Variants in THOC5 observed in about 807,000 individuals in gnomAD.
THOC5 encodes Fms-interacting protein.
THOC5 carries 43 observed loss-of-function variants against 92.9 expected under a neutral mutation model. The observed-to-expected ratio is 0.46, with a 90% CI of 0.36 to 0.60. THOC5 has a LOEUF of 0.60. Among genes scored for constraint, THOC5 ranks in the 20% least tolerant of loss-of-function variants. THOC5 has a pLI of 0.00. For missense variants in THOC5, 659 were observed against 849.4 expected, an observed-to-expected ratio of 0.78 and a Z score of 2.79; for synonymous variants, 296 against 320.1, an observed-to-expected ratio of 0.92 and a Z score of 0.80.
rs987399692 is a variant in THOC5 at position 29,553,682 on chromosome 22, A to G, written c.-23T>C. ...TGTCCCCTCCTCACCTCACAGCTCC[A>G]AGAACCTGGCACCGGGAGTAAGCCA... On this transcript the variant is annotated 5_prime_UTR_variant, in exon 1 of 20. Transcript: ENST00000490103. The G allele has an allele frequency of 3.3e-5, 5 of 152,356 alleles. No individual in the cohort carries two copies. The highest frequency in any genetic ancestry group is 1.2e-4 in the African/African-American group (5 of 41,396). The allele number at this position is 152,356 out of a possible 1,614,324, so 9.4% of individuals were successfully genotyped here.
At position 29,544,573 on chromosome 22, in the gene THOC5, C is replaced by G; in HGVS notation, c.127G>C (p.Val43Leu). The G allele has an allele frequency of 1.2e-6, 2 of 1,613,398 alleles. No individual in the cohort carries two copies. Among genetic ancestry groups the G allele is most frequent in the South Asian group, 2.2e-5 (2 of 90,950 alleles). Reference sequence around the variant, plus strand: ...TCTCTGCCAGGGTCCCGCAGATCCACCTCGGCCTCCTCACTGTAGTATTTA... The same window carrying G: ...TCTCTGCCAGGGTCCCGCAGATCCAGCTCGGCCTCCTCACTGTAGTATTTA... ...EGKYYSEEAE[V>L]DLRDPGRDYE... The change falls in exon 3 of 20, where the codon GTG (valine) becomes CTG (leucine). Residue 43 changes from valine (V) to leucine (L), a missense_variant. Physicochemically the swap from Val to Leu is conservative, Grantham distance 32. Transcript: ENST00000490103.
intron 17 of THOC5, chr22:29,513,996 G>A (rs2063281175): frequency 6.7e-6 from 1 of 149,622 alleles, no homozygotes; most frequent in African/African-American, 2.4e-5. Context: ...TGTTACCAAG[G>A]CTAGAGTGCA....
chr22:29,539,556 A>G, intron 5 of THOC5, 80 bp from the exon 6 acceptor site: 1 of 1,466,978 alleles, frequency 6.8e-7, no homozygotes, highest in Non-Finnish European at 9.3e-7. Flanking sequence ...GTTATCCCCA[A>G]CATATGCCTG....
chr22:29,518,985 A>G, intron 15 of THOC5, 21 bp downstream of exon 15: 1 of 1,488,032 alleles, frequency 6.7e-7, no homozygotes, highest in African/African-American at 1.4e-5. Context: ...CTCTTAAACC[A>G]CTGCCCCATC....
chr22:29,512,225 C>A, intron 17 of THOC5, 89 bp from the exon 18 acceptor site: 4 of 912,860 alleles, frequency 4.4e-6, no homozygotes, highest in Non-Finnish European at 7.1e-6. Context: ...CTGAGGCTAG[C>A]TCAGATGTCT....
chr22:29,517,093 A>G lies in THOC5; in HGVS notation c.1617T>C (p.Ile539=). ...TGTCCCCAGCCAGTCCCGCATCCACAATGTCTTTGGTGAAGTGCAGCTCCT... is the reference window on the plus strand; with the variant it reads ...TGTCCCCAGCCAGTCCCGCATCCACGATGTCTTTGGTGAAGTGCAGCTCCT... ...DYMELHFTKD[I]VDAGLAGDTN... The change falls in exon 17 of 20, where the codon ATT becomes ATC. Residue 539 remains isoleucine, a synonymous_variant. Coordinates refer to ENST00000490103, the MANE Select transcript of THOC5 (RefSeq NM_003678.5). The G allele has an allele frequency of 6.2e-7, 1 of 1,614,090 alleles. No individual in the cohort carries two copies. Among genetic ancestry groups the G allele is most frequent in the Non-Finnish European group, 8.5e-7 (1 of 1,180,004 alleles).
At chr22:29,538,987 T>G (rs1229047640) in intron 6 of THOC5, among the ~76,000 whole-genome samples, 1 of 149,860 alleles carries the variant, frequency 6.7e-6, no homozygotes, top group Non-Finnish European at 1.5e-5. Context: ...GGTGCACACC[T>G]ACCACCCAGC....
chr22:29,509,687 C>T (rs1200916291), intron 19 of THOC5, among the ~76,000 whole-genome samples: 1 of 149,594 alleles, frequency 6.7e-6, no homozygotes, highest in African/African-American at 2.5e-5. Flanking sequence ...AGGTAAGGCA[C>T]TGCTTAGACT....
intron 9 of THOC5, 90 bp downstream of exon 9, chr22:29,529,072 G>A (rs189644703): frequency 2.6e-4 from 332 of 1,301,548 alleles, no homozygotes; most frequent in Admixed American, 4.6e-4. Flanking sequence ...CTGCTACACA[G>A]AACTAGTCCA....
At chr22:29,542,369 T>C (rs2063914839) in intron 5 of THOC5, among the ~76,000 whole-genome samples, 1 of 152,238 alleles carries the variant, frequency 6.6e-6, no homozygotes, top group Non-Finnish European at 1.5e-5. Flanking sequence ...AGGTTCTTTA[T>C]GCAGCCTGAA....
intron 12 of THOC5, 110 bp from the exon 13 acceptor site, chr22:29,521,209 C>T: frequency 5.1e-6 from 4 of 780,728 alleles, no homozygotes; most frequent in Non-Finnish European, 2.2e-6. Context: ...ACCAATGCCA[C>T]CATTTATTGA....
At chr22:29,511,644 A>G (rs1481545180) in intron 18 of THOC5, among the ~76,000 whole-genome samples, 1 of 152,248 alleles carries the variant, frequency 6.6e-6, no homozygotes, top group African/African-American at 2.4e-5. Context: ...CTGATTAACA[A>G]CTGCAATGCT....
chr22:29,538,348 A>AT (rs2063803610), intron 6 of THOC5, among the ~76,000 whole-genome samples: 2 of 152,274 alleles, frequency 1.3e-5, no homozygotes, highest in South Asian at 4.1e-4. Flanking sequence ...AATTTTGTGC[A>AT]TTTTTCTATA....
At chr22:29,526,882 A>G (rs2063555695) in intron 11 of THOC5, among the ~76,000 whole-genome samples, 2 of 152,202 alleles carry the variant, frequency 1.3e-5, no homozygotes, top group Non-Finnish European at 2.9e-5. Context: ...CAGACTAAGG[A>G]GCATGGCAAC....
chr22:29,531,077 C>T (rs956968991), intron 8 of THOC5: 1 of 1,123,500 alleles, frequency 8.9e-7, no homozygotes, highest in South Asian at 2.0e-5. Context: ...AAATTACTCA[C>T]CCTGTCTAGG....
At chr22:29,508,673 G>A (rs2063165883) in intron 19 of THOC5, among the ~76,000 whole-genome samples, 153 bp from the exon 20 acceptor site, 1 of 152,176 alleles carries the variant, frequency 6.6e-6, no homozygotes, top group Non-Finnish European at 1.5e-5. Context: ...CATATAAGGT[G>A]CGATACTATT....
intron 14 of THOC5, among the ~76,000 whole-genome samples, chr22:29,519,578 C>T (rs1345181581): frequency 6.6e-6 from 1 of 151,686 alleles, no homozygotes; most frequent in South Asian, 2.1e-4. Flanking sequence ...GAAGACAGGT[C>T]ACAGCCCTGA....
At chr22:29,510,622 A>T (rs2063205757) in intron 19 of THOC5, among the ~76,000 whole-genome samples, 1 of 152,020 alleles carries the variant, frequency 6.6e-6, no homozygotes, top group African/African-American at 2.4e-5. Context: ...AAGGAAACAA[A>T]CAAACAAAAA....
chr22:29,533,728 G>A (rs2063700111), intron 7 of THOC5, among the ~76,000 whole-genome samples: 1 of 152,112 alleles, frequency 6.6e-6, no homozygotes, highest in Non-Finnish European at 1.5e-5. Flanking sequence ...TATCCAAAAG[G>A]CAAAATGTGC....
Sources: allele counts gnomAD v4.1 joint callset (sites outside exome capture counted in the v4.1 genomes callset), GRCh38; gene constraint gnomAD v4.1.1; transcripts MANE v1.5; gene names NCBI Gene and HGNC (gene_info 2026-07-23, HGNC 2026-07-21).